The following PHF20L1 variants were observed in gnomAD, a reference collection of about 807,000 sequenced individuals.
The protein encoded by PHF20L1 is PHD finger protein 20-like protein 1.
PHF20L1 carries 44 observed loss-of-function variants against 125.5 expected under a neutral mutation model. The ratio of observed to expected loss-of-function variants is 0.35; its 90% confidence interval spans 0.28 to 0.45. PHF20L1 has a LOEUF of 0.45. PHF20L1 is among the 20% of genes least tolerant of loss of function. The probability of loss-of-function intolerance (pLI) is 1.00; values close to 1 mark genes in which losing one functional copy is unlikely to be tolerated. For synonymous variants in PHF20L1, 380 were observed against 403.1 expected, an observed-to-expected ratio of 0.94 and a Z score of 0.69; for missense variants, 1,012 against 1,217.2, an observed-to-expected ratio of 0.83 and a Z score of 2.51.
chr8:132,806,486 A>G (rs1358250932), intron 8 of PHF20L1: 1 of 152,038 alleles, frequency 6.6e-6, no homozygotes, highest in East Asian at 1.9e-4. Context: ...GCAGCAGCAG[A>G]GCATAAGATT....
intron 2 of PHF20L1, among the ~76,000 whole-genome samples, chr8:132,783,108 T>C (rs1830621975): frequency 6.6e-6 from 1 of 152,206 alleles, no homozygotes; most frequent in African/African-American, 2.4e-5. Flanking sequence ...AATAACATGC[T>C]GTGGTGTTAA....
chr8:132,775,834 C>T (rs1829651297), intron 1 of PHF20L1, among the ~76,000 whole-genome samples, 189 bp downstream of exon 1: 1 of 152,166 alleles, frequency 6.6e-6, no homozygotes, highest in Non-Finnish European at 1.5e-5. Flanking sequence ...TGCGGAGGGC[C>T]GGATGGCTGT....
chr8:132,814,816 T>G lies in PHF20L1; in HGVS notation c.1110T>G (p.Leu370=). Residue 370 remains leucine, a synonymous_variant, in exon 10 of 21, where the codon CTT becomes CTG. Transcript: ENST00000395386. ...SGCIKPPKSP[L]SPELIQVEDL... ...GTATAAAACCCCCTAAATCACCACT[T>G]TCCCCAGAATTAATACAAGTCGAGG... 6.2e-7 allele frequency: 1 copy of G among 1,611,698 alleles called. No individual in the cohort carries two copies. The highest frequency in any genetic ancestry group is 2.2e-5 in the East Asian group (1 of 44,840).
At chr8:132,810,994 G>T (rs907623886) in intron 8 of PHF20L1, 52 bp from the exon 9 acceptor site, 3 of 1,088,888 alleles carry the variant, frequency 2.8e-6, no homozygotes, top group Non-Finnish European at 4.3e-6. Flanking sequence ...GTTAATTAGG[G>T]TGTAAATCAG....
intron 2 of PHF20L1, among the ~76,000 whole-genome samples, chr8:132,782,606 A>G (rs1045803582): frequency 6.6e-6 from 1 of 151,532 alleles, no homozygotes; most frequent in Non-Finnish European, 1.5e-5. Flanking sequence ...TTTTTGAGAC[A>G]AAGTTTTACT....
intron 6 of PHF20L1, among the ~76,000 whole-genome samples, chr8:132,802,362 C>T (rs1042658130): frequency 2.1e-4 from 32 of 151,602 alleles, no homozygotes; most frequent in African/African-American, 6.0e-4. Flanking sequence ...CTTTCCCTAG[C>T]AAATTCCTGC....
At position 132,838,881 on chromosome 8, in the gene PHF20L1, A is replaced by G. The variant is rs569819974; in HGVS notation, c.2192-506A>G. On this transcript the variant is annotated intron_variant, in intron 17 of 20. Coordinates refer to ENST00000395386, the MANE Select transcript of PHF20L1 (RefSeq NM_016018.5). ...CAACTGGCTAGTAGTATAGTATGGG[A>G]CACAGGCAATAAACACCTGGTTGTA... 2.6e-5 allele frequency among the ~76,000 whole-genome samples: 4 copies of G among 152,302 alleles called. No homozygotes were observed. The South Asian group carries it at 8.3e-4, about 32-fold the overall frequency.
chr8:132,794,825 T>C lies in PHF20L1; in HGVS notation c.340+8T>C. ...AAGCAATTAACAAAGAAGGTATGTG[T>C]TTGAAATGATCTGAGACTTAAAATT... On this transcript the variant is annotated splice_region_variant and intron_variant, in intron 4 of 20. Transcript: ENST00000395386. 1 of 1,565,394 alleles carries C rather than the reference T, an allele frequency of 6.4e-7. No homozygotes were observed.
intron 18 of PHF20L1, among the ~76,000 whole-genome samples, chr8:132,839,962 T>C (rs1837764081): frequency 6.6e-6 from 1 of 152,142 alleles, no homozygotes; most frequent in Admixed American, 6.6e-5. Context: ...GTGAGTATTT[T>C]TTTTTATAAA....
intron 19 of PHF20L1, chr8:132,843,520 G>A (rs777314432): frequency 9.1e-6 from 9 of 984,022 alleles, no homozygotes; most frequent in Admixed American, 1.2e-4. Context: ...TTTGTATTTC[G>A]TATCATAAAG....
intron 2 of PHF20L1, among the ~76,000 whole-genome samples, chr8:132,778,645 T>A (rs775961423): frequency 1.3e-5 from 2 of 152,174 alleles, no homozygotes; most frequent in African/African-American, 2.4e-5. Context: ...GGAAGCTACA[T>A]GCAGGGGTCC....
intron 12 of PHF20L1, chr8:132,818,419 A>T (rs1333894614): frequency 1.3e-5 from 2 of 151,882 alleles, no homozygotes; most frequent in Non-Finnish European, 2.9e-5. Flanking sequence ...CCCTGAAACC[A>T]TTTTATCCAT....
chr8:132,808,264 C>T (rs1390568424), intron 8 of PHF20L1: 1 of 152,244 alleles, frequency 6.6e-6, no homozygotes, highest in African/African-American at 2.4e-5. Context: ...TTTATGAACA[C>T]ATTGCAATGC....
At chr8:132,815,502 T>A (rs2131674346) in intron 10 of PHF20L1, 1 of 152,070 alleles carries the variant, frequency 6.6e-6, no homozygotes, top group Middle Eastern at 3.4e-3. Context: ...AGATTTGTGT[T>A]GACCCTGAGT....
At chr8:132,812,503 A>G (rs1834512875) in intron 9 of PHF20L1, 9 of 984,722 alleles carry the variant, frequency 9.1e-6, no homozygotes, top group African/African-American at 1.7e-5. Flanking sequence ...TTCTATTTTC[A>G]TAATTAAAAA....
In PHF20L1 at chr8:132,832,396, G is replaced by A; in HGVS notation, c.1906G>A (p.Glu636Lys). The A allele has an allele frequency of 1.2e-6, 2 of 1,607,384 alleles. No individual in the cohort carries two copies. Among genetic ancestry groups the A allele is most frequent in the Non-Finnish European group, 1.7e-6 (2 of 1,174,614 alleles). Reference protein sequence around the residue: ...RAILSVDLSGENLSDVDFLDD... With the variant: ...RAILSVDLSGKNLSDVDFLDD... ...AATTCTATCCGTTGATCTTAGTGGT[G>A]AAAGTATGTGTAACCATGTGATGGT... Residue 636 changes from glutamate to lysine, a missense_variant, in exon 15 of 21, where the codon GAA (glutamate) becomes AAA (lysine). Glu to Lys is a moderately conservative substitution (Grantham distance 56). Transcript: ENST00000395386.
Position 132,824,001 on chromosome 8 carries a change from C to T in PHF20L1, c.1580-3C>T, listed in dbSNP as rs899538266. ...ACTTACATATTTTTCCCCTAACCCA[C>T]AGGAATATCGAAAACAGAAAAAAAA... On this transcript the variant is annotated splice_region_variant and splice_polypyrimidine_tract_variant and intron_variant, in intron 12 of 20. Coordinates refer to ENST00000395386, the MANE Select transcript of PHF20L1 (RefSeq NM_016018.5). 20 of 1,577,386 alleles carry T rather than the reference C, an allele frequency of 1.3e-5. 1 individual carries two copies. In the South Asian group the frequency reaches 1.7e-4, roughly 13 times the overall value.
intron 8 of PHF20L1, among the ~76,000 whole-genome samples, chr8:132,805,642 G>T (rs1833601903): frequency 6.6e-6 from 1 of 151,896 alleles, no homozygotes; most frequent in Non-Finnish European, 1.5e-5. Flanking sequence ...GAAGAAGCTT[G>T]ATTTCATGGT....
intron 14 of PHF20L1, among the ~76,000 whole-genome samples, chr8:132,829,053 C>T (rs1300058574): frequency 1.3e-5 from 2 of 152,028 alleles, no homozygotes; most frequent in East Asian, 3.9e-4. Flanking sequence ...CTGATCTAAG[C>T]CTTGAAACAT....
Sources: allele counts gnomAD v4.1 joint callset (sites outside exome capture counted in the v4.1 genomes callset), GRCh38; gene constraint gnomAD v4.1.1; transcripts MANE v1.5; gene names NCBI Gene and HGNC (gene_info 2026-07-23, HGNC 2026-07-21).